GPR157: variants seen among roughly 807,000 people sequenced by gnomAD.
GPR157 encodes the protein G-protein coupled receptor 157.
In GPR157, 16 loss-of-function variants were observed where a neutral mutation model predicts 23.5. The ratio of observed to expected loss-of-function variants is 0.68; its 90% CI spans 0.46 to 1.04. The LOEUF (loss-of-function observed/expected upper bound fraction) is 1.04, where lower values mean the gene tolerates loss of function less well. Ranked by LOEUF, GPR157 falls within the 50% of genes least tolerant of loss-of-function variation. The probability of loss-of-function intolerance (pLI) is 0.00; values close to 1 mark genes in which losing one functional copy is unlikely to be tolerated. For synonymous variants in GPR157, 200 were observed against 221.5 expected (o/e 0.90, Z 0.86); for missense variants, 440 against 460.7 (o/e 0.96, Z 0.41).
chr1:9,101,674 G>C lies in GPR157; in HGVS notation c.*2745C>G, dbSNP rs1557691525. 1.3e-5 allele frequency: 2 copies of C among 152,296 alleles called. No individual in the cohort carries two copies. The highest frequency in any genetic ancestry group is 1.9e-4 in the East Asian group (1 of 5,176). 9.4% of individuals were successfully genotyped at this position (152,296 alleles called of 1,614,324 possible). A position where few individuals can be genotyped will look rare whatever the true frequency, so the allele number is the denominator to read the frequency against. On this transcript the variant is annotated 3_prime_UTR_variant, in exon 4 of 4. Coordinates refer to ENST00000377411, the MANE Select transcript of GPR157 (RefSeq NM_024980.5). ...AGTGGCCAGTGGCATCAAAGAAATG[G>C]AATGAGAACTTGAGCCCAGGCACCC... is the stretch of plus-strand genomic sequence containing the variant.
Position 9,103,202 on chromosome 1 carries a change from T to G in GPR157, c.*1217A>C, listed in dbSNP as rs1642587939. On this transcript the variant is annotated 3_prime_UTR_variant, in exon 4 of 4. Coordinates refer to ENST00000377411, the MANE Select transcript of GPR157 (RefSeq NM_024980.5). Reference sequence around the variant, plus strand: ...GTTTGAGACCGAGTTTCACTCTTGTTGCCCAGGCTGGAGTGCAATGGTGTG... The same window carrying G: ...GTTTGAGACCGAGTTTCACTCTTGTGGCCCAGGCTGGAGTGCAATGGTGTG... 6.6e-6 allele frequency: 1 copy of G among 152,138 alleles called. No individual in the cohort carries two copies. Among genetic ancestry groups the G allele is most frequent in the Non-Finnish European group, 1.5e-5 (1 of 68,036 alleles). The allele number at this position is 152,138 out of a possible 1,614,324, so 9.4% of individuals were successfully genotyped here.
In GPR157 at chr1:9,101,836, G is replaced by C. The variant is rs1378276279; in HGVS notation, c.*2583C>G. The C allele has an allele frequency of 6.6e-6, 1 of 152,184 alleles. No individual in the cohort carries two copies. The highest frequency in any genetic ancestry group is 1.9e-4 in the East Asian group (1 of 5,186). The allele number at this position is 152,184 out of a possible 1,614,324, so 9.4% of individuals were successfully genotyped here. A position where few individuals can be genotyped will look rare whatever the true frequency, so the allele number is the denominator to read the frequency against. On this transcript the variant is annotated 3_prime_UTR_variant, in exon 4 of 4. Transcript: ENST00000377411. ...CCAGAGGCCCCTGCTGAGCAGGGTT[G>C]ATCCTAACACTATTCCTCTGTGGCC...
rs1642554839 is a variant in GPR157 at position 9,100,579 on chromosome 1, A to G, written c.*3840T>C. On this transcript the variant is annotated 3_prime_UTR_variant, in exon 4 of 4. Transcript: ENST00000377411. ...CAAAGAGGCAGAAAGCGGCTGGTAA[A>G]CCTGGTTAAAAGACCAAAGTTCAGA... 6.6e-6 allele frequency: 1 copy of G among 152,252 alleles called. No homozygotes were observed. The allele number at this position is 152,252 out of a possible 1,614,324, so 9.4% of individuals were successfully genotyped here.
At chr1:9,113,212 G>A (rs995548308) in intron 1 of GPR157, among the ~76,000 whole-genome samples, 10 of 152,164 alleles carry the variant, frequency 6.6e-5, no homozygotes, top group Admixed American at 2.0e-4. Context: ...CGTGGGGCCC[G>A]TCTGGTTTCT....
rs566248229 is a variant in GPR157, at chr1:9,126,942, T to C, written c.383+1703A>G. Among the ~76,000 whole-genome samples, 3 of 152,224 alleles carry C rather than the reference T, an allele frequency of 2.0e-5. 1 individual carries two copies. The South Asian group carries it at 6.2e-4, about 32-fold the overall frequency. On this transcript the variant is annotated intron_variant, in intron 1 of 3. Transcript: ENST00000377411. ...TTTTTTTTGAGAGAGGGTGTTGCTC[T>C]GTCTGCAATCATAGCTCACTACAGC... is the stretch of plus-strand genomic sequence containing the variant.
intron 2 of GPR157, among the ~76,000 whole-genome samples, chr1:9,109,453 C>T (rs1175878416): frequency 8.6e-5 from 13 of 151,680 alleles, no homozygotes; most frequent in Non-Finnish European, 1.5e-4. Context: ...AATGCAGTGG[C>T]GTAATCTTGG....
intron 1 of GPR157, among the ~76,000 whole-genome samples, chr1:9,125,409 T>G (rs1219760552): frequency 1.3e-5 from 2 of 151,998 alleles, no homozygotes; most frequent in African/African-American, 4.8e-5. Context: ...AGTGAGCTAA[T>G]GAATGGAACA....
rs1455598264 is a variant in GPR157, at chr1:9,128,244, G to A, written c.383+401C>T. 1.2e-5 allele frequency: 6 copies of A among 485,450 alleles called. No individual in the cohort carries two copies. Among genetic ancestry groups the A allele is most frequent in the East Asian group, 1.2e-4 (2 of 16,548 alleles). 30.1% of individuals were successfully genotyped at this position (485,450 alleles called of 1,614,324 possible). A position where few individuals can be genotyped will look rare whatever the true frequency, so the allele number is the denominator to read the frequency against. On this transcript the variant is annotated intron_variant, in intron 1 of 3. Transcript: ENST00000377411. The surrounding 1 kb of genome is among the most constrained non-coding windows in gnomAD (Gnocchi z 6.3). ...TGGTGGCGTGGGACTGGCAGTTGCC[G>A]GCTCTCCAGCCCGGGACAGTTACCT...
At chr1:9,123,716 T>TTAAA (rs1175002418) in intron 1 of GPR157, among the ~76,000 whole-genome samples, 9 of 102,344 alleles carry the variant, frequency 8.8e-5, no homozygotes, top group African/African-American at 3.6e-4. Context: ...AAATATGTAT[T>TTAAA]TATATATAAT....
intron 1 of GPR157, among the ~76,000 whole-genome samples, chr1:9,121,571 T>C (rs1289494168): frequency 2.0e-5 from 3 of 151,732 alleles, no homozygotes; most frequent in African/African-American, 7.3e-5. Flanking sequence ...ACCCAGGAAG[T>C]GGAAGCTGCA....
At chr1:9,104,977 G>C (rs991386471) in intron 3 of GPR157, among the ~76,000 whole-genome samples, 1 of 149,880 alleles carries the variant, frequency 6.7e-6, no homozygotes, top group Non-Finnish European at 1.5e-5. Flanking sequence ...TCCAACCTGG[G>C]TGACAAAGCC....
Position 9,128,706 on chromosome 1 carries a change from T to C in GPR157, c.322A>G (p.Ile108Val), listed in dbSNP as rs1012699884. The C allele has an allele frequency of 1.2e-6, 2 of 1,613,202 alleles. No homozygotes were observed. The highest frequency in any genetic ancestry group is 2.2e-5 in the East Asian group (1 of 44,850). ...CGAGGCCCGCGCGCGGCGCGGACGA[T>C]GCTGAGGTACAAGTAGAGCGCAATG... ...VAIALYLYLS[I>V]VRAARGPRTD... Residue 108 changes from isoleucine to valine, a missense_variant, in exon 1 of 4, where the codon ATC becomes GTC. Physicochemically the swap from Ile to Val is conservative, Grantham distance 29 (BLOSUM62 3). Coordinates refer to ENST00000377411, the MANE Select transcript of GPR157 (RefSeq NM_024980.5). This position sits in a 1 kb window ranked among gnomAD's most constrained non-coding sequence, Gnocchi z 6.3.
rs1462900713 is a variant in GPR157 at position 9,105,370 on chromosome 1, C to T, written c.792+116G>A. ...GGCACAGCACAGTGGGGCCGAGCTC[C>T]TCCCTGCAGCTGTGCCTTGGCCGAC... On this transcript the variant is annotated intron_variant, in intron 3 of 3. Coordinates refer to ENST00000377411, the MANE Select transcript of GPR157 (RefSeq NM_024980.5). This position sits in a 1 kb window ranked among gnomAD's most constrained non-coding sequence, Gnocchi z 4.8. 1.1e-6 allele frequency: 1 copy of T among 929,478 alleles called. No homozygotes were observed. The allele number at this position is 929,478 out of a possible 1,614,324, so 57.6% of individuals were successfully genotyped here.
In GPR157 at chr1:9,118,689, A is replaced by C. The variant is rs1638736695; in HGVS notation, c.384-7200T>G. 6.6e-6 allele frequency among the ~76,000 whole-genome samples: 1 copy of C among 152,168 alleles called. No individual in the cohort carries two copies. The highest frequency in any genetic ancestry group is 1.5e-5 in the Non-Finnish European group (1 of 68,024). ...GATAGGGTCTTTCAAGAGGTGATTA[A>C]GTTAAAATGCAGTCATCAGAGTGGA... On this transcript the variant is annotated intron_variant, in intron 1 of 3. Transcript: ENST00000377411. This position sits in a 1 kb window ranked among gnomAD's most constrained non-coding sequence, Gnocchi z 4.6.
In GPR157 at chr1:9,105,062, C is replaced by CACACATGCAT; in HGVS notation, c.792+423_792+424insATGCATGTGT. Among the ~76,000 whole-genome samples, 1 of 146,924 alleles carries CACACATGCAT rather than the reference C, an allele frequency of 6.8e-6. No homozygotes were observed. Among genetic ancestry groups the CACACATGCAT allele is most frequent in the South Asian group, 2.2e-4 (1 of 4,478 alleles). ...ACACACACACACACACACACACACACACACACATGCATACACACATGCATA... is the reference window on the plus strand; with the variant it reads ...ACACACACACACACACACACACACACACACATGCATACACACATGCATACACACATGCATA... On this transcript the variant is annotated intron_variant, in intron 3 of 3. Transcript: ENST00000377411. The surrounding 1 kb of genome is among the most constrained non-coding windows in gnomAD (Gnocchi z 4.8).
intron 1 of GPR157, among the ~76,000 whole-genome samples, chr1:9,123,420 TAA>T (rs1372814490): frequency 2.1e-5 from 2 of 97,340 alleles, no homozygotes; most frequent in Non-Finnish European, 3.5e-5. Context: ...AAATACATAT[TAA>T]AATATATATA....
intron 1 of GPR157, among the ~76,000 whole-genome samples, chr1:9,116,359 A>ATT (rs1638677725): frequency 2.5e-4 from 2 of 7,880 alleles, no homozygotes; most frequent in African/African-American, 1.6e-3. Flanking sequence ...ATTATATATA[A>ATT]ATTATATATA....
chr1:9,106,834 C>T (rs1362157194), intron 2 of GPR157, among the ~76,000 whole-genome samples: 3 of 152,142 alleles, frequency 2.0e-5, no homozygotes, highest in Non-Finnish European at 4.4e-5. Flanking sequence ...TGTTGTGGCA[C>T]GTGCCTGTAA....
rs1491438357 is a variant in GPR157 at position 9,116,339 on chromosome 1, T to TA, written c.384-4851_384-4850insT. On this transcript the variant is annotated intron_variant, in intron 1 of 3. Coordinates refer to ENST00000377411, the MANE Select transcript of GPR157 (RefSeq NM_024980.5). ...TATAATATATATAAATTATATATAATTTATATATAATTATATATAAATTAT... is the reference window on the plus strand; with the variant it reads ...TATAATATATATAAATTATATATAATATTATATATAATTATATATAAATTAT... Among the ~76,000 whole-genome samples the TA allele has an allele frequency of 1.9e-3, 27 of 13,942 alleles. 5 individuals carry two copies. The highest frequency in any genetic ancestry group is 5.1e-3 in the Admixed American group (3 of 594). 9.1% of individuals were successfully genotyped at this position (13,942 alleles called of 152,430 possible). A position where few individuals can be genotyped will look rare whatever the true frequency, so the allele number is the denominator to read the frequency against.
Sources: gnomAD v4.1 joint callset for allele counts (sites outside exome capture counted in the v4.1 genomes callset) on GRCh38, gnomAD v4.1.1 for gene constraint, Gnocchi (gnomAD v3.1) non-coding constraint, MANE v1.5 for transcripts, NCBI Gene and HGNC (gene_info 2026-07-23, HGNC 2026-07-21) for gene names.